EBF1: variants seen among roughly 807,000 people sequenced by gnomAD.
The protein encoded by EBF1 is transcription factor COE1.
EBF1 carries 10 observed loss-of-function variants against 68.4 expected under a neutral mutation model. The ratio of observed to expected loss-of-function variants is 0.15; its 90% CI spans 0.09 to 0.25. The LOEUF (loss-of-function observed/expected upper bound fraction) is 0.25, where lower values mean the gene tolerates loss of function less well. Among genes scored for constraint, EBF1 ranks in the 10% least tolerant of loss-of-function variants. The pLI is 1.00. For synonymous variants in EBF1, 298 were observed against 299.8 expected, an observed-to-expected ratio of 0.99 and a Z score of 0.06; for missense variants, 509 against 794.4, an observed-to-expected ratio of 0.64 and a Z score of 4.32.
At chr5:159,050,201 T>C (rs1773296545) in intron 6 of EBF1, among the ~76,000 whole-genome samples, 2 of 147,300 alleles carry the variant, frequency 1.4e-5, no homozygotes, top group Non-Finnish European at 3.0e-5. Context: ...TCTCTCTCTC[T>C]CCTCTCCTCC....
At chr5:158,707,179 G>C (rs550600938) in intron 15 of EBF1, among the ~76,000 whole-genome samples, 2 of 152,236 alleles carry the variant, frequency 1.3e-5, no homozygotes, top group East Asian at 3.9e-4. Context: ...ACACAATCCT[G>C]CTGGGGGCAA....
chr5:158,930,272 G>GTT (rs1410851693), intron 6 of EBF1, among the ~76,000 whole-genome samples: 1 of 42,022 alleles, frequency 2.4e-5, no homozygotes, highest in African/African-American at 4.5e-5. Context: ...TTTTTTTTTT[G>GTT]TTTGTTTTTT....
At chr5:159,005,950 T>C (rs943541867) in intron 6 of EBF1, among the ~76,000 whole-genome samples, 3 of 152,220 alleles carry the variant, frequency 2.0e-5, no homozygotes, top group African/African-American at 7.2e-5. Context: ...TGACTTTTCC[T>C]GTGTACTAAC....
chr5:159,034,777 A>G (rs751054329), intron 6 of EBF1, among the ~76,000 whole-genome samples: 1 of 152,076 alleles, frequency 6.6e-6, no homozygotes, highest in African/African-American at 2.4e-5. Flanking sequence ...TTTGGCCTCA[A>G]TGCAAGATTT....
intron 6 of EBF1, among the ~76,000 whole-genome samples, chr5:158,937,065 G>A (rs1325407406): frequency 4.6e-5 from 7 of 151,920 alleles, no homozygotes; most frequent in East Asian, 1.9e-4. Context: ...TCAGTCTCTC[G>A]GTGGCCTAAA....
chr5:158,759,439 GA>G (rs1770898946), intron 10 of EBF1, among the ~76,000 whole-genome samples: 1 of 152,180 alleles, frequency 6.6e-6, no homozygotes, highest in Non-Finnish European at 1.5e-5. Flanking sequence ...TTGATCTACT[GA>G]GAACATAGTC....
chr5:159,005,539 C>T (rs574981890), intron 6 of EBF1, among the ~76,000 whole-genome samples: 213 of 152,234 alleles, frequency 1.4e-3, no homozygotes, highest in Non-Finnish European at 2.5e-3. Context: ...GAGCTATTAA[C>T]TGAGTTTGGA....
intron 6 of EBF1, among the ~76,000 whole-genome samples, chr5:159,067,198 T>C (rs1776995839): frequency 6.6e-6 from 1 of 152,188 alleles, no homozygotes; most frequent in Admixed American, 6.5e-5. Context: ...TAAAAGCATG[T>C]TTAATATACT....
At chr5:158,731,582 G>A (rs1398260815) in intron 10 of EBF1, among the ~76,000 whole-genome samples, 2 of 152,168 alleles carry the variant, frequency 1.3e-5, no homozygotes, top group Non-Finnish European at 2.9e-5. Flanking sequence ...AAAATCCTTA[G>A]CGGACCTCAG....
At chr5:159,089,622 T>C (rs985670466) in intron 4 of EBF1, among the ~76,000 whole-genome samples, 1 of 152,184 alleles carries the variant, frequency 6.6e-6, no homozygotes, top group Non-Finnish European at 1.5e-5. Flanking sequence ...CTCTTTGTGT[T>C]CCACGACAAA....
intron 8 of EBF1, among the ~76,000 whole-genome samples, chr5:158,810,688 TATTG>T (rs1782484863): frequency 6.6e-6 from 1 of 152,188 alleles, no homozygotes; most frequent in South Asian, 2.1e-4. Context: ...GCATATAAAA[TATTG>T]ATTAATTTCA....
At chr5:159,078,832 T>C (rs1584469326) in intron 5 of EBF1, among the ~76,000 whole-genome samples, 1 of 152,316 alleles carries the variant, frequency 6.6e-6, no homozygotes, top group Non-Finnish European at 1.5e-5. Flanking sequence ...AGCGAACTTA[T>C]GAGTCTCTTT....
chr5:158,794,062 C>G (rs1211070420), intron 9 of EBF1, among the ~76,000 whole-genome samples: 2 of 152,134 alleles, frequency 1.3e-5, no homozygotes, highest in Non-Finnish European at 2.9e-5. Context: ...AAGATCTGCA[C>G]AAATATTTTG....
chr5:158,813,299 C>T (rs1783065459), intron 8 of EBF1, among the ~76,000 whole-genome samples: 1 of 152,072 alleles, frequency 6.6e-6, no homozygotes, highest in Non-Finnish European at 1.5e-5. Flanking sequence ...AATGTTTATC[C>T]TCCATTTTCT....
chr5:158,922,281 A>G (rs1808601765), intron 6 of EBF1, among the ~76,000 whole-genome samples: 1 of 152,180 alleles, frequency 6.6e-6, no homozygotes, highest in Non-Finnish European at 1.5e-5. Flanking sequence ...CTTTCTACCC[A>G]GTATCCTCTC....
At chr5:159,097,860 T>C (rs995761733) in intron 1 of EBF1, among the ~76,000 whole-genome samples, 1 of 152,190 alleles carries the variant, frequency 6.6e-6, no homozygotes, top group Non-Finnish European at 1.5e-5. Context: ...CGGCCGGCGA[T>C]GGGAGGCTGG....
chr5:158,842,852 A>C (rs1336366305), intron 6 of EBF1, among the ~76,000 whole-genome samples: 1 of 152,194 alleles, frequency 6.6e-6, no homozygotes, highest in Non-Finnish European at 1.5e-5. Flanking sequence ...GAAGTGAAAT[A>C]ACTTGTCCAA....
At chr5:158,840,149 T>C (rs1789874917) in intron 6 of EBF1, 39 bp from the exon 7 acceptor site, 1 of 1,539,664 alleles carries the variant, frequency 6.5e-7, no homozygotes, top group Non-Finnish European at 9.0e-7. Flanking sequence ...CATTTCGGTT[T>C]CTGACACGGG....
At chr5:159,086,337 A>C (rs1037974340) in intron 4 of EBF1, among the ~76,000 whole-genome samples, 1 of 152,190 alleles carries the variant, frequency 6.6e-6, no homozygotes, top group African/African-American at 2.4e-5. Context: ...TCTAAATCAG[A>C]AAATTAACAT....
Sources: allele counts gnomAD v4.1 joint callset (sites outside exome capture counted in the v4.1 genomes callset), GRCh38; gene constraint gnomAD v4.1.1; transcripts MANE v1.5; gene names NCBI Gene and HGNC (gene_info 2026-07-23, HGNC 2026-07-21).